The following WIPF1 variants were observed in gnomAD, a reference collection of about 807,000 sequenced individuals.
WIPF1 encodes the protein WAS/WASL interacting protein family member 1, also known as WAS/WASL-interacting protein family member 1.
In WIPF1, 13 loss-of-function variants were observed where a neutral mutation model predicts 35.4. The observed-to-expected ratio is 0.37, with a 90% confidence interval of 0.24 to 0.58. The LOEUF is 0.58. WIPF1 is among the 20% of genes least tolerant of loss of function. WIPF1 has a pLI of 0.74. For missense variants in WIPF1, 591 were observed against 667.0 expected (o/e 0.89, Z 1.25); for synonymous variants, 267 against 266.3 (o/e 1.00, Z -0.02).
At chr2:174,567,435 G>C (rs777946436) in intron 6 of WIPF1, among the ~76,000 whole-genome samples, 1 of 152,268 alleles carries the variant, frequency 6.6e-6, no homozygotes, top group African/African-American at 2.4e-5. Context: ...CCTCTTAGGA[G>C]CTGGGGGCTA....
chr2:174,570,817 G>T (rs541389347), intron 5 of WIPF1, among the ~76,000 whole-genome samples: 2 of 152,196 alleles, frequency 1.3e-5, no homozygotes, highest in African/African-American at 4.8e-5. Flanking sequence ...AGGTCTGTAC[G>T]ATGAGATTCA....
At position 174,585,532 on chromosome 2, in the gene WIPF1, C is replaced by T. The variant is rs111761533; in HGVS notation, c.42G>A (p.Thr14=). The T allele has an allele frequency of 2.1e-3, 2,321 of 1,085,630 alleles. 30 individuals carry two copies. In the African/African-American group the frequency reaches 0.036, roughly 17 times the overall value. The allele number at this position is 1,085,630 out of a possible 1,614,324, so 67.2% of individuals were successfully genotyped here. Residue 14 remains threonine (T), a synonymous_variant, in exon 2 of 8, where the codon ACG becomes ACA. Coordinates refer to ENST00000679041, the MANE Select transcript of WIPF1 (RefSeq NM_001375834.1). Reference sequence around the variant, plus strand: ...GGGAGGAGACACTCACCAGTGCAAACGTCGGGGGCGGCGGGGGTGCTGGAG... The same window carrying T: ...GGGAGGAGACACTCACCAGTGCAAATGTCGGGGGCGGCGGGGGTGCTGGAG... The part of the protein sequence containing the change: ...PPPPAPPPPP[T]FALANTEKPT...
intron 1 of WIPF1, among the ~76,000 whole-genome samples, chr2:174,637,051 C>A (rs1399026200): frequency 6.6e-6 from 1 of 152,186 alleles, no homozygotes; most frequent in Non-Finnish European, 1.5e-5. Flanking sequence ...GAAGATGTCT[C>A]TTCTACATAT....
chr2:174,652,369 C>T (rs536487089), intron 1 of WIPF1, among the ~76,000 whole-genome samples: 12 of 152,220 alleles, frequency 7.9e-5, no homozygotes, highest in Admixed American at 3.3e-4. Flanking sequence ...TAAGTGTCTG[C>T]GATTATATTT....
intron 1 of WIPF1, among the ~76,000 whole-genome samples, chr2:174,628,048 A>C (rs1162423277): frequency 6.6e-6 from 1 of 152,150 alleles, no homozygotes; most frequent in Non-Finnish European, 1.5e-5. Flanking sequence ...GAGCGTTATC[A>C]TAGAGGTCCC....
chr2:174,589,993 G>T (rs1055772233), intron 1 of WIPF1, among the ~76,000 whole-genome samples: 23 of 152,180 alleles, frequency 1.5e-4, no homozygotes, highest in African/African-American at 5.3e-4. Context: ...GTCAAGGTGG[G>T]AGGACTGCTT....
chr2:174,613,901 G>GA (rs1686428241), intron 1 of WIPF1, among the ~76,000 whole-genome samples: 1 of 152,020 alleles, frequency 6.6e-6, no homozygotes, highest in African/African-American at 2.4e-5. Flanking sequence ...TTTGATATTT[G>GA]AAAAAAGTAG....
At chr2:174,651,837 A>G (rs1687539565) in intron 1 of WIPF1, among the ~76,000 whole-genome samples, 1 of 152,204 alleles carries the variant, frequency 6.6e-6, no homozygotes, top group South Asian at 2.1e-4. Flanking sequence ...GGAGACAGCT[A>G]TTCTCTGTTC....
At chr2:174,577,696 C>T (rs185871502) in intron 3 of WIPF1, among the ~76,000 whole-genome samples, 150 of 152,146 alleles carry the variant, frequency 9.9e-4, no homozygotes, top group African/African-American at 3.4e-3. Context: ...GAGGCCAAGG[C>T]GGGTGGATTG....
At chr2:174,600,577 A>C (rs1226421612), upstream of WIPF1, among the ~76,000 whole-genome samples, 1 of 152,216 alleles carries the variant, frequency 6.6e-6, no homozygotes, top group African/African-American at 2.4e-5. Context: ...CACGCCTGGT[A>C]CACTCATCTT....
In WIPF1 at chr2:174,605,171, G is replaced by A. The variant is rs535981087; in HGVS notation, c.-38-19560C>T. 8.5e-5 allele frequency among the ~76,000 whole-genome samples: 13 copies of A among 152,290 alleles called. No individual in the cohort carries two copies. In the East Asian group the frequency reaches 2.1e-3, roughly 25 times the overall value. ...AACATGTGGGCCAGCGCAGGGGCTC[G>A]CGCCTGTAATCCCAGCACTTTGGGA... On this transcript the variant is annotated intron_variant, in intron 1 of 8. Transcript: ENST00000272746.
chr2:174,647,790 G>A (rs1169388742), intron 1 of WIPF1, among the ~76,000 whole-genome samples: 1 of 152,198 alleles, frequency 6.6e-6, no homozygotes, highest in East Asian at 1.9e-4. Flanking sequence ...ATGAAGGTAG[G>A]TAGAGGAAAA....
intron 3 of WIPF1, among the ~76,000 whole-genome samples, chr2:174,580,897 C>T (rs1685216259): frequency 6.6e-6 from 1 of 152,178 alleles, no homozygotes; most frequent in African/African-American, 2.4e-5. Context: ...TTATCATCTC[C>T]ATTTTAAAAT....
chr2:174,655,296 C>T (rs577386945), intron 1 of WIPF1, among the ~76,000 whole-genome samples: 2 of 152,196 alleles, frequency 1.3e-5, no homozygotes, highest in Admixed American at 1.3e-4. Flanking sequence ...CCTTCAGGTC[C>T]CAGGCCCACC....
intron 4 of WIPF1, 118 bp downstream of exon 4, chr2:174,575,086 T>A: frequency 8.6e-7 from 1 of 1,164,438 alleles, no homozygotes; most frequent in Non-Finnish European, 1.2e-6. Flanking sequence ...GTGGTAATAT[T>A]TAAAACAATG....
chr2:174,659,236 G>A (rs1045596523), intron 1 of WIPF1, among the ~76,000 whole-genome samples: 4 of 152,164 alleles, frequency 2.6e-5, no homozygotes, highest in African/African-American at 9.7e-5. Context: ...CTGAGTGTGA[G>A]TAGCAAGGAC....
rs181625606 is a variant in WIPF1, at chr2:174,578,500, G to A, written c.181+2810C>T. ...TTTTATCTTTTCCCTTGCTCATTGA[G>A]GTTTCCTGAATAAATATATGCTTTT... On this transcript the variant is annotated intron_variant, in intron 3 of 7. Transcript: ENST00000679041. Among the ~76,000 whole-genome samples, 3 of 152,044 alleles carry A rather than the reference G, an allele frequency of 2.0e-5. No homozygotes were observed. In the South Asian group the frequency reaches 6.2e-4, roughly 32 times the overall value.
At chr2:174,570,518 T>C (rs1210601410) in intron 5 of WIPF1, 1 of 152,172 alleles carries the variant, frequency 6.6e-6, no homozygotes, top group Non-Finnish European at 1.5e-5. Flanking sequence ...ACTCATCCAT[T>C]TGGTAGGGCC....
At chr2:174,645,643 T>G (rs995058703) in intron 1 of WIPF1, among the ~76,000 whole-genome samples, 2 of 152,234 alleles carry the variant, frequency 1.3e-5, no homozygotes, top group Non-Finnish European at 2.9e-5. Flanking sequence ...GAAAGTTCTC[T>G]TGCTGGTAGA....
Sources: gnomAD v4.1 joint callset for allele counts (sites outside exome capture counted in the v4.1 genomes callset) on GRCh38, gnomAD v4.1.1 for gene constraint, MANE v1.5 for transcripts, NCBI Gene and HGNC (gene_info 2026-07-23, HGNC 2026-07-21) for gene names.